Variants in GSG1L observed in about 807,000 individuals in gnomAD.
The protein encoded by GSG1L is germ cell-specific gene 1-like protein.
GSG1L carries 24 observed loss-of-function variants against 42.1 expected under a neutral mutation model. The observed-to-expected ratio is 0.57, with a 90% CI of 0.41 to 0.80. The LOEUF is 0.80. Among genes scored for constraint, GSG1L ranks in the 30% least tolerant of loss-of-function variants. The probability of loss-of-function intolerance (pLI) is 0.00; values close to 1 mark genes in which losing one functional copy is unlikely to be tolerated. For missense variants in GSG1L, 445 were observed against 472.2 expected (o/e 0.94, Z 0.53); for synonymous variants, 215 against 203.5 (o/e 1.06, Z -0.48).
chr16:27,898,955 AC>A (rs1279603603), intron 2 of GSG1L, among the ~76,000 whole-genome samples: 2 of 152,008 alleles, frequency 1.3e-5, no homozygotes, highest in Non-Finnish European at 2.9e-5. Flanking sequence ...TGCAGTCCTC[AC>A]CCCTCCCTAT....
At chr16:27,989,312 C>T (rs566656295) in intron 1 of GSG1L, among the ~76,000 whole-genome samples, 17 of 152,230 alleles carry the variant, frequency 1.1e-4, no homozygotes, top group Non-Finnish European at 8.8e-5. Flanking sequence ...GTGTTTTAAC[C>T]TTTGATATTT....
intron 3 of GSG1L, among the ~76,000 whole-genome samples, chr16:27,866,861 C>G (rs745748235): frequency 6.6e-6 from 1 of 152,098 alleles, no homozygotes; most frequent in South Asian, 2.1e-4. Flanking sequence ...CATGAGCCAC[C>G]GAAACCGGCC....
chr16:27,796,841 G>T (rs932902974), intron 6 of GSG1L, among the ~76,000 whole-genome samples: 1 of 152,174 alleles, frequency 6.6e-6, no homozygotes, highest in African/African-American at 2.4e-5. Flanking sequence ...TGATTCCTCA[G>T]TCCTTTATTT....
chr16:27,960,433 C>T (rs190705940), intron 2 of GSG1L, among the ~76,000 whole-genome samples: 22 of 152,170 alleles, frequency 1.4e-4, no homozygotes, highest in Non-Finnish European at 2.6e-4. Context: ...TCGCGATTAT[C>T]GTATGTGGCA....
chr16:27,987,409 C>G (rs1479277315), intron 1 of GSG1L, among the ~76,000 whole-genome samples: 1 of 152,084 alleles, frequency 6.6e-6, no homozygotes, highest in Admixed American at 6.5e-5. Flanking sequence ...TGGAGCCATT[C>G]GATTCTAGAC....
intron 5 of GSG1L, among the ~76,000 whole-genome samples, chr16:27,809,540 T>C (rs779584827): frequency 2.7e-4 from 41 of 151,098 alleles, no homozygotes; most frequent in Non-Finnish European, 4.6e-4. Flanking sequence ...ATTATACCAC[T>C]GCACTCCAGC....
At chr16:28,034,530 T>A (rs997952874) in intron 1 of GSG1L, among the ~76,000 whole-genome samples, 1 of 152,160 alleles carries the variant, frequency 6.6e-6, no homozygotes, top group African/African-American at 2.4e-5. Flanking sequence ...CAACTTCCCA[T>A]TGTTCTTCTA....
intron 1 of GSG1L, among the ~76,000 whole-genome samples, chr16:28,001,208 A>G (rs207475838): frequency 6.6e-6 from 1 of 152,196 alleles, no homozygotes; most frequent in Non-Finnish European, 1.5e-5. Context: ...TTATCTGTCC[A>G]TGCTGCTTTC....
chr16:28,002,422 A>T (rs1402269714), intron 1 of GSG1L, among the ~76,000 whole-genome samples: 1 of 152,072 alleles, frequency 6.6e-6, no homozygotes, highest in African/African-American at 2.4e-5. Flanking sequence ...GGAGTTCAAG[A>T]CTAGCCTGGG....
chr16:27,819,628 C>A lies in GSG1L; in HGVS notation c.830+9161G>T, dbSNP rs942028901. Among the ~76,000 whole-genome samples the A allele has an allele frequency of 3.9e-5, 6 of 152,246 alleles. No homozygotes were observed. The South Asian group carries it at 1.2e-3, about 32-fold the overall frequency. ...AAGAGTGGGTCAGAGCTGCACAGGC[C>A]GGAACATGGCCGGGCTGGGGAGCTG... On this transcript the variant is annotated intron_variant, in intron 5 of 6. Transcript: ENST00000447459.
intron 2 of GSG1L, among the ~76,000 whole-genome samples, chr16:27,888,960 A>AGATATAGAT (rs2141030544): frequency 6.6e-6 from 1 of 151,644 alleles, no homozygotes; most frequent in African/African-American, 2.4e-5. Flanking sequence ...ATATAGATAT[A>AGATATAGAT]GATATAGATA....
intron 1 of GSG1L, among the ~76,000 whole-genome samples, chr16:27,981,314 A>G (rs937805561): frequency 6.6e-6 from 1 of 152,208 alleles, no homozygotes; most frequent in Non-Finnish European, 1.5e-5. Context: ...GGGCGGGCAG[A>G]GAAGAATCAG....
intron 5 of GSG1L, among the ~76,000 whole-genome samples, chr16:27,814,688 G>GAAAAA (rs750992732): frequency 1.1e-5 from 1 of 94,344 alleles, no homozygotes; most frequent in Non-Finnish European, 2.1e-5. Flanking sequence ...CCGTCTCAAG[G>GAAAAA]AAAAAAAAAA....
intron 2 of GSG1L, among the ~76,000 whole-genome samples, chr16:27,904,253 A>G (rs1248467574): frequency 3.3e-5 from 5 of 151,240 alleles, no homozygotes; most frequent in Non-Finnish European, 7.4e-5. Context: ...ATTTTTTTGT[A>G]GAGATGGGGT....
At chr16:27,962,772 G>T (rs1275961266) in intron 2 of GSG1L, among the ~76,000 whole-genome samples, 1 of 152,078 alleles carries the variant, frequency 6.6e-6, no homozygotes, top group East Asian at 1.9e-4. Context: ...AGATGACAAA[G>T]GCCAGGCACC....
intron 2 of GSG1L, among the ~76,000 whole-genome samples, chr16:27,917,447 G>A (rs1212944724): frequency 6.6e-6 from 1 of 152,176 alleles, no homozygotes; most frequent in Non-Finnish European, 1.5e-5. Flanking sequence ...CAGGAATGTA[G>A]CTGTGGAGAA....
At chr16:27,863,220 C>G (rs1240591082) in intron 3 of GSG1L, 1 of 152,042 alleles carries the variant, frequency 6.6e-6, no homozygotes, top group Non-Finnish European at 1.5e-5. Context: ...TTATTTGCTC[C>G]CTTATAATTT....
At chr16:27,905,021 G>C (rs560715649) in intron 2 of GSG1L, among the ~76,000 whole-genome samples, 33 of 152,224 alleles carry the variant, frequency 2.2e-4, no homozygotes, top group African/African-American at 7.7e-4. Context: ...ATTTCATTTT[G>C]AAAAAATAAT....
At chr16:27,973,050 C>A (rs1387734229) in intron 1 of GSG1L, among the ~76,000 whole-genome samples, 1 of 152,166 alleles carries the variant, frequency 6.6e-6, no homozygotes, top group Non-Finnish European at 1.5e-5. Context: ...GTCCTCCCAT[C>A]TTTCTGTGCC....
Sources: gnomAD v4.1 joint callset for allele counts (sites outside exome capture counted in the v4.1 genomes callset) on GRCh38, gnomAD v4.1.1 for gene constraint, MANE v1.5 for transcripts, NCBI Gene and HGNC (gene_info 2026-07-23, HGNC 2026-07-21) for gene names.